Variants in FAF2 observed in about 807,000 individuals in gnomAD.
FAF2 encodes the protein Fas associated factor family member 2.
Under a neutral mutation model 62.3 loss-of-function variants are expected in FAF2, and 9 were observed. The observed-to-expected ratio is 0.14, with a 90% CI of 0.09 to 0.25. The LOEUF (loss-of-function observed/expected upper bound fraction) is 0.25, where lower values mean the gene tolerates loss of function less well. FAF2 is among the 10% of genes least tolerant of loss of function. The pLI, the probability that FAF2 is intolerant of heterozygous loss-of-function variation, is 1.00. For synonymous variants in FAF2, 202 were observed against 198.0 expected (o/e 1.02, Z -0.17); for missense variants, 368 against 556.2 (o/e 0.66, Z 3.40).
intron 2 of FAF2, among the ~76,000 whole-genome samples, chr5:176,484,443 A>T (rs1413819881): frequency 6.6e-6 from 1 of 152,218 alleles, no homozygotes; most frequent in Non-Finnish European, 1.5e-5. Flanking sequence ...CCTGTTAGTC[A>T]GTTAGTAGCC....
Position 176,500,031 on chromosome 5 carries a change from T to C in FAF2, c.1040T>C (p.Leu347Ser), listed in dbSNP as rs922684538. The change falls in exon 10 of 11, where the codon TTG becomes TCG. Residue 347 changes from leucine to serine, a missense_variant. Physicochemically the swap from Leu to Ser is moderately radical, Grantham distance 145. Coordinates refer to ENST00000261942, the MANE Select transcript of FAF2 (RefSeq NM_014613.3). ...TTACAGGAGGAAAAGGAAAGGAAGT[T>C]GGAATGCCTGCCCCCTGAACCTTCC... ...QNLQEEKERK[L>S]ECLPPEPSPD... The C allele has an allele frequency of 1.9e-6, 3 of 1,614,080 alleles. No homozygotes were observed. In the African/African-American group the frequency reaches 4.0e-5, roughly 22 times the overall value.
At chr5:176,460,692 C>T (rs557163044) in intron 1 of FAF2, among the ~76,000 whole-genome samples, 14 of 152,158 alleles carry the variant, frequency 9.2e-5, no homozygotes, top group African/African-American at 3.4e-4. Context: ...TGGCTCACGC[C>T]TGTAATCCCA....
At chr5:176,449,061 G>C (rs978897243) in intron 1 of FAF2, among the ~76,000 whole-genome samples, 1 of 152,220 alleles carries the variant, frequency 6.6e-6, no homozygotes, top group African/African-American at 2.4e-5. Flanking sequence ...GGTCTGTCGG[G>C]ATTTATTACT....
intron 1 of FAF2, among the ~76,000 whole-genome samples, chr5:176,457,397 G>T (rs1428252652): frequency 3.3e-5 from 5 of 151,890 alleles, no homozygotes; most frequent in African/African-American, 1.2e-4. Context: ...CACCATGTTG[G>T]GCAGGCTGGT....
intron 1 of FAF2, among the ~76,000 whole-genome samples, chr5:176,470,819 A>G (rs1448800315): frequency 1.3e-5 from 2 of 152,190 alleles, no homozygotes; most frequent in African/African-American, 2.4e-5. Flanking sequence ...TTCTCACACA[A>G]TGCATTTAAT....
At chr5:176,499,127 C>A in intron 9 of FAF2, 42 bp downstream of exon 9, 1 of 1,507,364 alleles carries the variant, frequency 6.6e-7, no homozygotes, top group Non-Finnish European at 8.9e-7. Context: ...TCCCAAACTG[C>A]CGAGACTTTG....
chr5:176,465,298 A>G (rs1044386794), intron 1 of FAF2, among the ~76,000 whole-genome samples: 2 of 152,080 alleles, frequency 1.3e-5, no homozygotes, highest in African/African-American at 2.4e-5. Context: ...ACAGTTTTAT[A>G]TACGTCTGTG....
intron 2 of FAF2, among the ~76,000 whole-genome samples, chr5:176,480,458 G>A (rs887307231): frequency 2.6e-5 from 4 of 151,932 alleles, no homozygotes; most frequent in Non-Finnish European, 5.9e-5. Flanking sequence ...TGTCACCTGG[G>A]CTGGAATGCA....
intron 1 of FAF2, among the ~76,000 whole-genome samples, chr5:176,477,221 A>G (rs1389686801): frequency 2.8e-5 from 4 of 140,548 alleles, no homozygotes; most frequent in African/African-American, 1.1e-4. Flanking sequence ...CTGAGATTAC[A>G]GGCATGAGCC....
At chr5:176,463,505 T>G (rs1191093412) in intron 1 of FAF2, among the ~76,000 whole-genome samples, 1 of 152,196 alleles carries the variant, frequency 6.6e-6, no homozygotes, top group African/African-American at 2.4e-5. Flanking sequence ...AAATGTCTCC[T>G]TAATGTGTCC....
At chr5:176,460,857 T>C (rs1419004592) in intron 1 of FAF2, among the ~76,000 whole-genome samples, 1 of 151,714 alleles carries the variant, frequency 6.6e-6, no homozygotes, top group Non-Finnish European at 1.5e-5. Flanking sequence ...GAGGCTGAGG[T>C]GGGAGGATCA....
intron 3 of FAF2, among the ~76,000 whole-genome samples, chr5:176,488,728 G>A (rs568037230): frequency 1.3e-5 from 2 of 152,148 alleles, no homozygotes; most frequent in South Asian, 4.1e-4. Context: ...GGACCTTAAA[G>A]CAGATTTAAT....
At chr5:176,464,919 G>A (rs1057207912) in intron 1 of FAF2, among the ~76,000 whole-genome samples, 1 of 151,998 alleles carries the variant, frequency 6.6e-6, no homozygotes, top group African/African-American at 2.4e-5. Context: ...ACAGAGTCTC[G>A]CTGTATCGCC....
chr5:176,494,094 T>C lies in FAF2; in HGVS notation c.569+10T>C, dbSNP rs781734395. 3.7e-6 allele frequency: 6 copies of C among 1,613,016 alleles called. No individual in the cohort carries two copies. The Admixed American group carries it at 1.0e-4, about 27-fold the overall frequency. On this transcript the variant is annotated intron_variant, in intron 6 of 10. Coordinates refer to ENST00000261942, the MANE Select transcript of FAF2 (RefSeq NM_014613.3). This position sits in a 1 kb window ranked among gnomAD's most constrained non-coding sequence, Gnocchi z 4.0. ...CTGATGAGTTTTGTCGGTAAGTGGATTGATTATTTTCCTTCTCTTTTCTGA... is the reference window on the plus strand; with the variant it reads ...CTGATGAGTTTTGTCGGTAAGTGGACTGATTATTTTCCTTCTCTTTTCTGA...
rs1452387881 is a variant in FAF2 at position 176,507,904 on chromosome 5, T to A, written c.*954T>A. On this transcript the variant is annotated 3_prime_UTR_variant, in exon 11 of 11. Transcript: ENST00000261942. ...GGATAGCAGCTCTTCATTCCTCTTC[T>A]GACATGTGCATGCTGCTCCCCCCAG... 1.3e-5 allele frequency: 2 copies of A among 152,726 alleles called. No homozygotes were observed. Among genetic ancestry groups the A allele is most frequent in the African/African-American group, 4.8e-5 (2 of 41,442 alleles). 9.5% of individuals were successfully genotyped at this position (152,726 alleles called of 1,614,324 possible). A position where few individuals can be genotyped will look rare whatever the true frequency, so the allele number is the denominator to read the frequency against.
rs1758986665 is a variant in FAF2 at position 176,492,347 on chromosome 5, C to A, written c.483+15C>A. On this transcript the variant is annotated intron_variant, in intron 5 of 10. Coordinates refer to ENST00000261942, the MANE Select transcript of FAF2 (RefSeq NM_014613.3). ...CGTACAGCCAGGTCAGTGCCATAAA[C>A]CATATAGATGCCAACTTACCGAAAT... 3 of 1,605,832 alleles carry A rather than the reference C, an allele frequency of 1.9e-6. No individual in the cohort carries two copies. The highest frequency in any genetic ancestry group is 8.5e-7 in the Non-Finnish European group (1 of 1,176,068).
At chr5:176,469,637 A>G (rs1359787596) in intron 1 of FAF2, among the ~76,000 whole-genome samples, 3 of 152,226 alleles carry the variant, frequency 2.0e-5, no homozygotes, top group Non-Finnish European at 2.9e-5. Context: ...GAACTTTAAA[A>G]ATAATGTATA....
chr5:176,504,265 C>T (rs961517372), intron 10 of FAF2, among the ~76,000 whole-genome samples: 3 of 152,008 alleles, frequency 2.0e-5, no homozygotes, highest in Non-Finnish European at 4.4e-5. Context: ...CACCTGAGGT[C>T]AGGAGTTCGA....
chr5:176,506,841 G>A lies in FAF2; in HGVS notation c.1229G>A (p.Arg410Gln), dbSNP rs746180663. ...KFQIEANFPRRVLPCIPSEEW... is the reference protein window; with the variant it reads ...KFQIEANFPRQVLPCIPSEEW... ...CAGATTGAAGCCAATTTTCCCAGGC[G>A]AGTGCTGCCCTGCATCCCTTCAGAG... Residue 410 changes from arginine to glutamine, a missense_variant, in exon 11 of 11, where the codon CGA becomes CAA. By Grantham distance (43) the Arg-to-Gln change is conservative (BLOSUM62 1). Around this residue, in one of 2 missense-constraint regions of FAF2, gnomAD observed 37 missense variants for 114.3 expected, o/e 0.32. Coordinates refer to ENST00000261942, the MANE Select transcript of FAF2 (RefSeq NM_014613.3). 1.2e-6 allele frequency: 2 copies of A among 1,613,966 alleles called. No individual in the cohort carries two copies. The highest frequency in any genetic ancestry group is 1.7e-6 in the Non-Finnish European group (2 of 1,179,968).
Sources: allele counts gnomAD v4.1 joint callset (sites outside exome capture counted in the v4.1 genomes callset), GRCh38; gene constraint gnomAD v4.1.1; regional missense constraint gnomAD v4.1.1; non-coding constraint Gnocchi (gnomAD v3.1); transcripts MANE v1.5; gene names NCBI Gene and HGNC (gene_info 2026-07-23, HGNC 2026-07-21).